CARD10: variants seen among roughly 807,000 people sequenced by gnomAD.
CARD10 encodes caspase recruitment domain-containing protein 10.
A neutral mutation model predicts 114.6 loss-of-function variants in CARD10; 49 were observed. The observed-to-expected ratio is 0.43, with a 90% CI of 0.34 to 0.54. CARD10 has a LOEUF of 0.54. Ranked by LOEUF, CARD10 falls within the 20% of genes least tolerant of loss-of-function variation. The probability of loss-of-function intolerance (pLI) is 0.03; values close to 1 mark genes in which losing one functional copy is unlikely to be tolerated. For synonymous variants in CARD10, 602 were observed against 593.2 expected, an observed-to-expected ratio of 1.01 and a Z score of -0.21; for missense variants, 1,206 against 1,397.2, an observed-to-expected ratio of 0.86 and a Z score of 2.18.
At chr22:37,506,787 C>T (rs1359264745) in intron 6 of CARD10, among the ~76,000 whole-genome samples, 2 of 152,196 alleles carry the variant, frequency 1.3e-5, no homozygotes, top group African/African-American at 4.8e-5. Flanking sequence ...CCCACTGCAT[C>T]CACAGTGAAG....
intron 15 of CARD10, among the ~76,000 whole-genome samples, chr22:37,494,986 G>A (rs999624983): frequency 1.3e-5 from 2 of 151,416 alleles, no homozygotes; most frequent in African/African-American, 2.4e-5. Context: ...TTTTTGAAAC[G>A]GAGTCTTGCC....
Position 37,492,858 on chromosome 22 carries a change from C to T in CARD10, c.2477-56G>A, listed in dbSNP as rs1922856852. 5.1e-6 allele frequency: 8 copies of T among 1,565,728 alleles called. No homozygotes were observed. The highest frequency in any genetic ancestry group is 1.8e-5 in the Admixed American group (1 of 56,732). ...AGGGCACAGGCAGGCAGCATACCAG[C>T]TCGTCGATACCCCAAAACCCACCCC... On this transcript the variant is annotated intron_variant, in intron 16 of 19. Coordinates refer to ENST00000251973, the MANE Select transcript of CARD10 (RefSeq NM_014550.4). The surrounding 1 kb of genome is among the most constrained non-coding windows in gnomAD (Gnocchi z 5.7).
chr22:37,505,355 C>A (rs1011537218), intron 7 of CARD10, among the ~76,000 whole-genome samples: 74 of 152,100 alleles, frequency 4.9e-4, no homozygotes, highest in African/African-American at 1.6e-3. Flanking sequence ...ACCAGGCCTG[C>A]GGAGCTCACT....
In CARD10 at chr22:37,490,847, G is replaced by A. The variant is rs960039938; in HGVS notation, c.*312C>T. Reference sequence around the variant, plus strand: ...AGTGTGCAAACCTGCGCACAGGTGTGAGAACAGACTCCAGGGCGAGTGTTT... The same window carrying A: ...AGTGTGCAAACCTGCGCACAGGTGTAAGAACAGACTCCAGGGCGAGTGTTT... On this transcript the variant is annotated 3_prime_UTR_variant, in exon 20 of 20. Coordinates refer to ENST00000251973, the MANE Select transcript of CARD10 (RefSeq NM_014550.4). The A allele has an allele frequency of 7.4e-6, 3 of 406,306 alleles. No individual in the cohort carries two copies. The highest frequency in any genetic ancestry group is 6.1e-5 in the African/African-American group (3 of 49,204). The allele number at this position is 406,306 out of a possible 1,614,324, so 25.2% of individuals were successfully genotyped here.
rs1326161339 is a variant in CARD10, at chr22:37,509,860, G to A, written c.909+352C>T. Among the ~76,000 whole-genome samples the A allele has an allele frequency of 3.5e-4, 15 of 42,970 alleles. 1 individual carries two copies. Among genetic ancestry groups the A allele is most frequent in the Non-Finnish European group, 4.3e-4 (10 of 23,126 alleles). The allele number at this position is 42,970 out of a possible 152,430, so 28.2% of individuals were successfully genotyped here. On this transcript the variant is annotated intron_variant, in intron 4 of 19. Transcript: ENST00000251973. Reference sequence around the variant, plus strand: ...ACAAGCCCCAGCCCTGGTACCTACCGCAGGCCCTCCTGACCACCCCCCACC... The same window carrying A: ...ACAAGCCCCAGCCCTGGTACCTACCACAGGCCCTCCTGACCACCCCCCACC...
chr22:37,519,333 C>T lies in CARD10; in HGVS notation c.-133G>A. On this transcript the variant is annotated 5_prime_UTR_variant, in exon 1 of 20. Coordinates refer to ENST00000251973, the MANE Select transcript of CARD10 (RefSeq NM_014550.4). This position sits in a 1 kb window ranked among gnomAD's most constrained non-coding sequence, Gnocchi z 4.1. Reference sequence around the variant, plus strand: ...CGTCGGGGGCGCGCCCCGAGCTCCCCGCGACTCACCCCGCACGCTACAGTC... The same window carrying T: ...CGTCGGGGGCGCGCCCCGAGCTCCCTGCGACTCACCCCGCACGCTACAGTC... The T allele has an allele frequency of 7.5e-7, 1 of 1,335,080 alleles. No homozygotes were observed. Among genetic ancestry groups the T allele is most frequent in the Non-Finnish European group, 9.6e-7 (1 of 1,046,320 alleles). The allele number at this position is 1,335,080 out of a possible 1,614,324, so 82.7% of individuals were successfully genotyped here. A position where few individuals can be genotyped will look rare whatever the true frequency, so the allele number is the denominator to read the frequency against.
rs1922989471 is a variant in CARD10, at chr22:37,495,958, G to C, written c.2105C>G (p.Pro702Arg). Reference protein sequence around the residue: ...HEALEAWAKGPGAEPFYIRAN... With the variant: ...HEALEAWAKGRGAEPFYIRAN... ...ACGAATGTAGAAGGGCTCGGCACCT[G>C]GTCCCTTTGCCCAGGCTTCTAGGGC... Residue 702 changes from proline to arginine, a missense_variant, in exon 14 of 20, where the codon CCA becomes CGA. Pro to Arg is a moderately radical substitution (Grantham distance 103, BLOSUM62 -2). This residue lies in a region of CARD10 where 1,068 missense variants were observed against 1,179.1 expected (regional missense o/e 0.91). Transcript: ENST00000251973. The C allele has an allele frequency of 6.2e-7, 1 of 1,614,114 alleles. No individual in the cohort carries two copies. Among genetic ancestry groups the C allele is most frequent in the Non-Finnish European group, 8.5e-7 (1 of 1,180,034 alleles).
chr22:37,518,203 C>T, intron 1 of CARD10, 95 bp from the exon 2 acceptor site: 1 of 1,303,888 alleles, frequency 7.7e-7, no homozygotes, highest in Non-Finnish European at 1.1e-6. Flanking sequence ...GGCCCACGTT[C>T]CCCAGATTTT....
chr22:37,510,077 G>A, intron 4 of CARD10, 135 bp downstream of exon 4: 1 of 560,298 alleles, frequency 1.8e-6, no homozygotes, highest in Non-Finnish European at 2.9e-6. Flanking sequence ...CCTGTGCCCA[G>A]AAGCCCTGGC....
chr22:37,502,583 C>CT lies in CARD10; in HGVS notation c.1787+18dup. On this transcript the variant is annotated intron_variant, in intron 11 of 19. Transcript: ENST00000251973. ...CAAGCAATCACCCCAGCTCCACCCA[C>CT]TGCAGGCAGCTACAGTACCTGTTGA... 6.2e-7 allele frequency: 1 copy of CT among 1,611,820 alleles called. No individual in the cohort carries two copies. Among genetic ancestry groups the CT allele is most frequent in the Non-Finnish European group, 8.5e-7 (1 of 1,178,896 alleles).
intron 11 of CARD10, 134 bp downstream of exon 11, chr22:37,502,468 C>T (rs1923249666): frequency 2.0e-6 from 2 of 1,023,618 alleles, no homozygotes; most frequent in Admixed American, 5.3e-5. Flanking sequence ...AATCCAAGGG[C>T]TGCCAGTGTC....
In CARD10 at chr22:37,503,997, C is replaced by G. The variant is rs199909498; in HGVS notation, c.1634+189G>C. On this transcript the variant is annotated intron_variant, in intron 9 of 19. Coordinates refer to ENST00000251973, the MANE Select transcript of CARD10 (RefSeq NM_014550.4). ...AGTTCGCTCTGCCCATCGGCCTTAT[C>G]TTAAGCCTGACCTTGGTCGCCCCTG... is the stretch of plus-strand genomic sequence containing the variant. 1.4e-3 allele frequency: 996 copies of G among 713,406 alleles called. 22 individuals carry two copies. In the South Asian group the frequency reaches 0.014, roughly 10 times the overall value. The allele number at this position is 713,406 out of a possible 1,614,324, so 44.2% of individuals were successfully genotyped here.
chr22:37,511,411 GGGA>G (rs1196140732), intron 3 of CARD10, among the ~76,000 whole-genome samples: 8 of 131,874 alleles, frequency 6.1e-5, no homozygotes. Flanking sequence ...GGAGGAGGAG[GGGA>G]GGAGGAGGGA....
chr22:37,517,596 C>T (rs1426477206), intron 2 of CARD10, among the ~76,000 whole-genome samples: 3 of 151,966 alleles, frequency 2.0e-5, no homozygotes, highest in African/African-American at 7.3e-5. Flanking sequence ...GAGCTGAGAT[C>T]GCGCCACTGC....
intron 2 of CARD10, among the ~76,000 whole-genome samples, chr22:37,517,036 T>C (rs1307558461): frequency 1.3e-5 from 2 of 152,206 alleles, no homozygotes; most frequent in African/African-American, 4.8e-5. Flanking sequence ...GATTTAACAG[T>C]TAAAATACAC....
intron 3 of CARD10, among the ~76,000 whole-genome samples, chr22:37,511,705 CG>C (rs1440792172): frequency 2.0e-5 from 3 of 151,924 alleles, no homozygotes; most frequent in Non-Finnish European, 4.4e-5. Flanking sequence ...TCATCCAGTC[CG>C]GGAACCAGAT....
intron 3 of CARD10, among the ~76,000 whole-genome samples, chr22:37,511,554 A>C (rs1569167152): frequency 6.8e-6 from 1 of 147,348 alleles, no homozygotes; most frequent in African/African-American, 2.5e-5. Context: ...AAAAAAAAAA[A>C]CAGGGTCAGA....
At chr22:37,493,909 A>G (rs542259917) in intron 16 of CARD10, among the ~76,000 whole-genome samples, 177 bp downstream of exon 16, 5 of 152,128 alleles carry the variant, frequency 3.3e-5, no homozygotes, top group Non-Finnish European at 7.4e-5. Context: ...GGCAATCACC[A>G]TGGCAGGTGG....
Position 37,502,714 on chromosome 22 carries a change from G to A in CARD10, c.1675C>T (p.Leu559Phe), listed in dbSNP as rs199732529. The part of the protein sequence containing the change: ...SMSDITGSVT[L>F]KPWSPGLSSS... ...GAGAGGCCAGGGGACCAGGGCTTAA[G>A]TGTCACACTCCCTGGGGAAAAAGAA... Residue 559 changes from leucine (L) to phenylalanine (F), a missense_variant, in exon 11 of 20, where the codon CTT becomes TTT. By Grantham distance (22) the Leu-to-Phe change is conservative. This residue lies in a region of CARD10 where 1,068 missense variants were observed against 1,179.1 expected (regional missense o/e 0.91). Coordinates refer to ENST00000251973, the MANE Select transcript of CARD10 (RefSeq NM_014550.4). 125 of 1,613,294 alleles carry A rather than the reference G, an allele frequency of 7.7e-5. No individual in the cohort carries two copies. The highest frequency in any genetic ancestry group is 3.7e-5 in the Non-Finnish European group (44 of 1,179,774).
Sources: allele counts gnomAD v4.1 joint callset (sites outside exome capture counted in the v4.1 genomes callset), GRCh38; gene constraint gnomAD v4.1.1; regional missense constraint gnomAD v4.1.1; non-coding constraint Gnocchi (gnomAD v3.1); transcripts MANE v1.5; gene names NCBI Gene and HGNC (gene_info 2026-07-23, HGNC 2026-07-21).